The following PRR35 variants were observed in gnomAD, a reference collection of about 807,000 sequenced individuals.
PRR35 encodes proline rich 35.
Under a neutral mutation model 18.6 loss-of-function variants are expected in PRR35, and 14 were observed. That is an observed-to-expected ratio of 0.75 (90% CI 0.50 to 1.18). The LOEUF is 1.18. PRR35 is among the 50% of genes most tolerant of loss of function. PRR35 has a pLI of 0.00. For synonymous variants in PRR35, 425 were observed against 378.2 expected, an observed-to-expected ratio of 1.12 and a Z score of -1.43; for missense variants, 832 against 792.2, an observed-to-expected ratio of 1.05 and a Z score of -0.60.
chr16:562,275 C>T (rs1382146560), intron 1 of PRR35, among the ~76,000 whole-genome samples: 2 of 152,196 alleles, frequency 1.3e-5, no homozygotes. Flanking sequence ...CTGGGCTGAG[C>T]AGGTGGCTGA....
chr16:564,451 G>T, intron 2 of PRR35, 75 bp downstream of exon 2: 1 of 1,536,878 alleles, frequency 6.5e-7, no homozygotes, highest in South Asian at 1.2e-5. Flanking sequence ...TGGGCGGCTG[G>T]GCATGGCGGC....
chr16:560,748 C>G, intron 1 of PRR35, 87 bp downstream of exon 1: 1 of 818,218 alleles, frequency 1.2e-6, no homozygotes, highest in Non-Finnish European at 1.5e-6. Flanking sequence ...GGTGGCCAGG[C>G]GTGTGGGGGG....
rs1431375171 is a variant in PRR35, at chr16:564,046, C to A, written c.752C>A (p.Ala251Asp). ...CTGCCCCCGGCCACGGCCTTCCCAG[C>A]CGTGCAGCCCCCTCAGCGCCCCACC... ...PLLPPATAFP[A>D]VQPPQRPTPA... The change falls in exon 2 of 3, where the codon GCC becomes GAC. Residue 251 changes from alanine (A) to aspartate (D), a missense_variant. Physicochemically the swap from Ala to Asp is moderately radical, Grantham distance 126 (BLOSUM62 -2). This residue lies in a region of PRR35 where 768 missense variants were observed against 704.1 expected (regional missense o/e 1.09). Transcript: ENST00000409413. 1 of 1,563,538 alleles carries A rather than the reference C, an allele frequency of 6.4e-7. No homozygotes were observed.
In PRR35 at chr16:564,935, C is replaced by T. The variant is rs1274725751; in HGVS notation, c.1344C>T (p.Leu448=). 2 of 1,604,174 alleles carry T rather than the reference C, an allele frequency of 1.2e-6. No individual in the cohort carries two copies. Among genetic ancestry groups the T allele is most frequent in the Non-Finnish European group, 8.5e-7 (1 of 1,178,058 alleles). The part of the protein sequence containing the change: ...EQLGKIRLEL[L]TIHQALEQAV... ...TGGGCAAGATCCGCCTGGAGCTGCT[C>T]ACCATTCACCAGGCGCTGGAGCAGG... The change falls in exon 3 of 3, where the codon CTC becomes CTT. Residue 448 remains leucine (L), a synonymous_variant. Coordinates refer to ENST00000409413, the MANE Select transcript of PRR35 (RefSeq NM_145270.3).
rs1293905278 is a variant in PRR35 at position 565,210 on chromosome 16, T to C, written c.1619T>C (p.Ile540Thr). The change falls in exon 3 of 3, where the codon ATT becomes ACT. Residue 540 changes from isoleucine (I) to threonine (T), a missense_variant. By Grantham distance (89) the Ile-to-Thr change is moderately conservative (BLOSUM62 -1). This residue lies in a region of PRR35 where 768 missense variants were observed against 704.1 expected (regional missense o/e 1.09). Transcript: ENST00000409413. ...LPLAAPDDPV[I>T]PGSGWGTCVA... ...CTCGCAGCCCCAGATGACCCTGTCA[T>C]TCCTGGCAGTGGCTGGGGCACCTGT... The C allele has an allele frequency of 3.7e-6, 6 of 1,610,422 alleles. No homozygotes were observed. In the East Asian group the frequency reaches 1.3e-4, roughly 36 times the overall value.
rs1028963206 is a variant in PRR35, at chr16:565,455, G to C, written c.*148G>C. On this transcript the variant is annotated 3_prime_UTR_variant, in exon 3 of 3. Coordinates refer to ENST00000409413, the MANE Select transcript of PRR35 (RefSeq NM_145270.3). ...GGCCGTGGCCAACGCTTGTCCCTGGGGCCACACAGGGACACTGGAGGTCAC... is the reference window on the plus strand; with the variant it reads ...GGCCGTGGCCAACGCTTGTCCCTGGCGCCACACAGGGACACTGGAGGTCAC... 1 of 753,738 alleles carries C rather than the reference G, an allele frequency of 1.3e-6. No individual in the cohort carries two copies. The highest frequency in any genetic ancestry group is 1.9e-6 in the Non-Finnish European group (1 of 516,186). The allele number at this position is 753,738 out of a possible 1,614,324, so 46.7% of individuals were successfully genotyped here. A position where few individuals can be genotyped will look rare whatever the true frequency, so the allele number is the denominator to read the frequency against.
At chr16:561,574 C>G (rs1013868051) in intron 1 of PRR35, among the ~76,000 whole-genome samples, 5 of 152,252 alleles carry the variant, frequency 3.3e-5, no homozygotes, top group Non-Finnish European at 7.3e-5. Context: ...GACCGCCACC[C>G]TGTCTCAGCC....
At chr16:562,304 G>A (rs1181683768) in intron 1 of PRR35, among the ~76,000 whole-genome samples, 2 of 152,234 alleles carry the variant, frequency 1.3e-5, no homozygotes, top group Non-Finnish European at 2.9e-5. Flanking sequence ...GCCATGCTGG[G>A]ACGTCCACTC....
chr16:564,451 G>A, intron 2 of PRR35, 75 bp downstream of exon 2: 1 of 1,536,878 alleles, frequency 6.5e-7, no homozygotes, highest in Non-Finnish European at 8.7e-7. Flanking sequence ...TGGGCGGCTG[G>A]GCATGGCGGC....
intron 1 of PRR35, 98 bp from the exon 2 acceptor site, chr16:563,158 C>G (rs995293128): frequency 1.9e-5 from 24 of 1,239,456 alleles, no homozygotes; most frequent in Non-Finnish European, 2.3e-5. Context: ...GGGGGGAGCA[C>G]CCAGGCTCCA....
At chr16:562,496 T>C (rs1325621613) in intron 1 of PRR35, among the ~76,000 whole-genome samples, 5 of 143,248 alleles carry the variant, frequency 3.5e-5, no homozygotes, top group Admixed American at 6.8e-5. Context: ...AACACAAGCA[T>C]GCACAGAGGC....
intron 1 of PRR35, chr16:561,894 G>T (rs752850297): frequency 1.1e-5 from 5 of 446,688 alleles, no homozygotes; most frequent in Non-Finnish European, 1.5e-5. Flanking sequence ...CTGGATGGGT[G>T]GTGAGTGTGT....
At chr16:563,171 C>T in intron 1 of PRR35, 85 bp from the exon 2 acceptor site, 3 of 1,297,668 alleles carry the variant, frequency 2.3e-6, no homozygotes, top group Non-Finnish European at 3.1e-6. Flanking sequence ...AGGCTCCAGT[C>T]CCTGGAGCCT....
Position 565,385 on chromosome 16 carries a change from C to T in PRR35, c.*78C>T, listed in dbSNP as rs2035522882. 1 of 1,364,070 alleles carries T rather than the reference C, an allele frequency of 7.3e-7. No individual in the cohort carries two copies. The highest frequency in any genetic ancestry group is 1.6e-5 in the South Asian group (1 of 62,342). The allele number at this position is 1,364,070 out of a possible 1,614,324, so 84.5% of individuals were successfully genotyped here. A position where few individuals can be genotyped will look rare whatever the true frequency, so the allele number is the denominator to read the frequency against. On this transcript the variant is annotated 3_prime_UTR_variant, in exon 3 of 3. Transcript: ENST00000409413. The stretch of plus-strand genomic sequence containing the variant: ...CCTGCAGCCCCTGCCCCTCACCTGC[C>T]TGGGACCTGCCCCGCCTCCGCATGC...
rs781112558 is a variant in PRR35 at position 565,244 on chromosome 16, G to A, written c.1653G>A (p.Thr551=). ...GTGGCTGGGGCACCTGTGTTGCGAC[G>A]AGGAGTTCCCAGACCCCTGAGGCTG... The part of the protein sequence containing the change: ...PGSGWGTCVA[T]RSSQTPEAVC... Residue 551 remains threonine (T), a synonymous_variant, in exon 3 of 3, where the codon ACG becomes ACA. Transcript: ENST00000409413. The A allele has an allele frequency of 2.2e-5, 36 of 1,600,718 alleles. No homozygotes were observed. Among genetic ancestry groups the A allele is most frequent in the African/African-American group, 5.4e-5 (4 of 74,552 alleles).
rs1342329005 is a variant in PRR35 at position 564,318 on chromosome 16, A to G, written c.1024A>G (p.Ser342Gly). Residue 342 changes from serine (S) to glycine (G), a missense_variant, in exon 2 of 3, where the codon AGC (serine) becomes GGC (glycine). Coordinates refer to ENST00000409413, the MANE Select transcript of PRR35 (RefSeq NM_145270.3). ...SDPRRRLSLGSRLELPKASPS... is the reference protein window; with the variant it reads ...SDPRRRLSLGGRLELPKASPS... ...CCCCAGGAGGAGGCTGTCCCTGGGA[A>G]GCAGGCTGGAGCTTCCGAAGGCATC... 1.3e-6 allele frequency: 2 copies of G among 1,579,258 alleles called. No individual in the cohort carries two copies. Among genetic ancestry groups the G allele is most frequent in the Admixed American group, 3.6e-5 (2 of 56,222 alleles).
Position 564,667 on chromosome 16 carries a change from C to T in PRR35, c.1083-7C>T. The T allele has an allele frequency of 6.6e-7, 1 of 1,520,202 alleles. No individual in the cohort carries two copies. The highest frequency in any genetic ancestry group is 8.8e-7 in the Non-Finnish European group (1 of 1,138,894). 94.2% of individuals were successfully genotyped at this position (1,520,202 alleles called of 1,614,324 possible). Reference sequence around the variant, plus strand: ...GTGCGGCCTCCTGACCAGCTTCCACCCCACAGCCTGCCCACCGGCTCCTCT... The same window carrying T: ...GTGCGGCCTCCTGACCAGCTTCCACTCCACAGCCTGCCCACCGGCTCCTCT... On this transcript the variant is annotated splice_region_variant and splice_polypyrimidine_tract_variant and intron_variant, in intron 2 of 2. Transcript: ENST00000409413.
intron 1 of PRR35, among the ~76,000 whole-genome samples, chr16:560,939 G>A (rs1056629910): frequency 4.0e-5 from 6 of 151,886 alleles, no homozygotes; most frequent in Non-Finnish European, 2.9e-5. Context: ...GTTCCCGGGG[G>A]GGGGGGCAGC....
Position 564,867 on chromosome 16 carries a change from G to A in PRR35, c.1276G>A (p.Gly426Arg). ...GGTGGAGCAGCGCCTGGGACAGTTG[G>A]GGCCCGCGGGGGGCCTGGCCCCGAG... ...ARVEQRLGQL[G>R]PAGGLAPRPL... The change falls in exon 3 of 3, where the codon GGG becomes AGG. Residue 426 changes from glycine to arginine, a missense_variant. Physicochemically the swap from Gly to Arg is moderately radical, Grantham distance 125. Coordinates refer to ENST00000409413, the MANE Select transcript of PRR35 (RefSeq NM_145270.3). The A allele has an allele frequency of 6.4e-7, 1 of 1,564,782 alleles. No individual in the cohort carries two copies. Among genetic ancestry groups the A allele is most frequent in the Non-Finnish European group, 8.6e-7 (1 of 1,160,038 alleles).
Sources: gnomAD v4.1 joint callset for allele counts (sites outside exome capture counted in the v4.1 genomes callset) on GRCh38, gnomAD v4.1.1 for gene constraint, gnomAD v4.1.1 regional missense constraint, MANE v1.5 for transcripts, NCBI Gene and HGNC (gene_info 2026-07-23, HGNC 2026-07-21) for gene names.